The following TMC1 variants were observed in gnomAD, a reference collection of about 807,000 sequenced individuals.
TMC1 encodes the protein transmembrane channel-like protein 1.
In TMC1, 84 loss-of-function variants were observed where a neutral mutation model predicts 105.8. That is an observed-to-expected ratio of 0.79 (90% CI 0.67 to 0.95). The LOEUF (loss-of-function observed/expected upper bound fraction) is 0.95, where lower values mean the gene tolerates loss of function less well. TMC1 is among the 40% of genes least tolerant of loss of function. The pLI, the probability that TMC1 is intolerant of heterozygous loss-of-function variation, is 0.00. For synonymous variants in TMC1, 315 were observed against 311.5 expected, an observed-to-expected ratio of 1.01 and a Z score of -0.12; for missense variants, 817 against 914.1, an observed-to-expected ratio of 0.89 and a Z score of 1.37.
At chr9:72,816,979 G>C (rs1306811525) in intron 19 of TMC1, 1 of 152,186 alleles carries the variant, frequency 6.6e-6, no homozygotes, top group African/African-American at 2.4e-5. Flanking sequence ...TTATCCTGGG[G>C]ACATGTGCCT....
Position 72,527,341 on chromosome 9 carries a change from G to GA in TMC1, c.-428+5437dup, listed in dbSNP as rs200660749. ...ACCCGGTACATTACCTGTCTGACCT[G>GA]AAAAAAAAATGCAAATTTCTGGATT... On this transcript the variant is annotated intron_variant, in intron 1 of 23. Transcript: ENST00000297784. Among the ~76,000 whole-genome samples, 135 of 150,638 alleles carry GA rather than the reference G, an allele frequency of 9.0e-4. 2 individuals are homozygous for GA. The highest frequency in any genetic ancestry group is 6.7e-3 in the Admixed American group (101 of 15,114).
intron 4 of TMC1, among the ~76,000 whole-genome samples, chr9:72,629,999 G>A (rs1485450489): frequency 6.6e-6 from 1 of 152,032 alleles, no homozygotes; most frequent in African/African-American, 2.4e-5. Flanking sequence ...CTGAGTAGCT[G>A]GGATTACAGG....
At chr9:72,638,123 C>T (rs539864004) in intron 4 of TMC1, among the ~76,000 whole-genome samples, 2 of 152,078 alleles carry the variant, frequency 1.3e-5, no homozygotes, top group African/African-American at 2.4e-5. Flanking sequence ...AAGGTCCTAT[C>T]CTGGTCTCCT....
At chr9:72,630,420 T>G (rs1255069222) in intron 4 of TMC1, among the ~76,000 whole-genome samples, 1 of 152,232 alleles carries the variant, frequency 6.6e-6, no homozygotes, top group Non-Finnish European at 1.5e-5. Flanking sequence ...TATAAGCTAT[T>G]TTAAATGTTT....
chr9:72,765,639 T>TAAA (rs71359521), intron 12 of TMC1, among the ~76,000 whole-genome samples: 2 of 130,468 alleles, frequency 1.5e-5, no homozygotes, highest in African/African-American at 5.6e-5. Flanking sequence ...CCTGTCATAC[T>TAAA]AAAAAAAAAA....
chr9:72,541,135 C>G (rs535216075), intron 1 of TMC1, among the ~76,000 whole-genome samples: 2 of 152,102 alleles, frequency 1.3e-5, no homozygotes, highest in African/African-American at 4.8e-5. Flanking sequence ...TCTTTGATTT[C>G]TCTTGCCCAC....
chr9:72,657,845 C>G (rs1825907463), intron 5 of TMC1, among the ~76,000 whole-genome samples: 1 of 152,184 alleles, frequency 6.6e-6, no homozygotes, highest in Non-Finnish European at 1.5e-5. Context: ...AGCCAAATCT[C>G]TTAAGCTCCT....
At chr9:72,788,594 C>A in intron 14 of TMC1, 111 bp downstream of exon 14, 1 of 1,174,496 alleles carries the variant, frequency 8.5e-7, no homozygotes, top group Non-Finnish European at 1.2e-6. Context: ...GAAAGATTAA[C>A]TCATGGTTTC....
At chr9:72,642,454 T>C (rs1465472331) in intron 4 of TMC1, among the ~76,000 whole-genome samples, 1 of 152,182 alleles carries the variant, frequency 6.6e-6, no homozygotes, top group Non-Finnish European at 1.5e-5. Context: ...TCTCTAGGGA[T>C]TGGACAGGCA....
At chr9:72,682,094 G>A (rs1012843219) in intron 5 of TMC1, among the ~76,000 whole-genome samples, 6 of 152,008 alleles carry the variant, frequency 3.9e-5, no homozygotes, top group Non-Finnish European at 5.9e-5. Flanking sequence ...TATTCTCCTT[G>A]TAATTTTGAA....
At chr9:72,598,839 C>T (rs1824761125) in intron 2 of TMC1, among the ~76,000 whole-genome samples, 1 of 152,110 alleles carries the variant, frequency 6.6e-6, no homozygotes, top group Non-Finnish European at 1.5e-5. Context: ...TTTTCCTGTA[C>T]ATTTGGGGAT....
chr9:72,552,201 C>T (rs1374312260), intron 1 of TMC1, among the ~76,000 whole-genome samples: 1 of 152,110 alleles, frequency 6.6e-6, no homozygotes, highest in East Asian at 1.9e-4. Flanking sequence ...ATTGAAAGGT[C>T]CCAGTGATCT....
intron 12 of TMC1, among the ~76,000 whole-genome samples, chr9:72,761,661 T>A (rs1827757015): frequency 6.6e-6 from 1 of 152,192 alleles, no homozygotes; most frequent in Non-Finnish European, 1.5e-5. Context: ...CTGCCTCACA[T>A]CCCATCTTGG....
rs956066218 is a variant in TMC1 at position 72,619,066 on chromosome 9, C to G, written c.-196+2589C>G. ...GAATTGGATGTTTTCAGATACAGAG[C>G]AGAACACATACAAAAAGTTCCTGGA... On this transcript the variant is annotated intron_variant, in intron 3 of 23. Coordinates refer to ENST00000297784, the MANE Select transcript of TMC1 (RefSeq NM_138691.3). 2.6e-5 allele frequency among the ~76,000 whole-genome samples: 4 copies of G among 151,992 alleles called. No individual in the cohort carries two copies. In the South Asian group the frequency reaches 6.2e-4, roughly 24 times the overall value.
At chr9:72,626,931 A>G (rs1453296589) in intron 3 of TMC1, among the ~76,000 whole-genome samples, 1 of 152,128 alleles carries the variant, frequency 6.6e-6, no homozygotes, top group African/African-American at 2.4e-5. Flanking sequence ...CACAAACCCA[A>G]CAATTCCACA....
At chr9:72,786,199 A>T (rs1463947604) in intron 13 of TMC1, among the ~76,000 whole-genome samples, 3 of 152,340 alleles carry the variant, frequency 2.0e-5, no homozygotes, top group Admixed American at 6.5e-5. Context: ...TAATCCTAGC[A>T]CTTTGGGAGG....
At chr9:72,544,938 C>T (rs978262021) in intron 1 of TMC1, among the ~76,000 whole-genome samples, 5 of 151,900 alleles carry the variant, frequency 3.3e-5, no homozygotes, top group African/African-American at 1.2e-4. Flanking sequence ...TCCTTCACCC[C>T]CCCAAGTCTT....
chr9:72,683,733 TTATA>T (rs58007608), intron 5 of TMC1, among the ~76,000 whole-genome samples: 1,170 of 53,280 alleles, frequency 0.022, 22 homozygotes, highest in African/African-American at 0.041. Context: ...GTTACACATT[TTATA>T]TATATATATA....
chr9:72,619,737 A>C (rs1183872013), intron 3 of TMC1, among the ~76,000 whole-genome samples: 1 of 151,846 alleles, frequency 6.6e-6, no homozygotes, highest in Non-Finnish European at 1.5e-5. Context: ...TTTTTAGGTT[A>C]TAGACAATGC....
Sources: gnomAD v4.1 joint callset for allele counts (sites outside exome capture counted in the v4.1 genomes callset) on GRCh38, gnomAD v4.1.1 for gene constraint, MANE v1.5 for transcripts, NCBI Gene and HGNC (gene_info 2026-07-23, HGNC 2026-07-21) for gene names.